Variants in AK7 observed in about 807,000 individuals in gnomAD.
The protein encoded by AK7 is adenylate kinase 7.
AK7 carries 78 observed loss-of-function variants against 96.6 expected under a neutral mutation model. That is an observed-to-expected ratio of 0.81 (90% CI 0.67 to 0.97). AK7 has a LOEUF of 0.97. Ranked by LOEUF, AK7 falls within the 50% of genes least tolerant of loss-of-function variation. The pLI is 0.00. For missense variants in AK7, 855 were observed against 887.9 expected (o/e 0.96, Z 0.47); for synonymous variants, 302 against 317.2 (o/e 0.95, Z 0.51).
rs1890288296 is a variant in AK7, at chr14:96,399,619, G to T, written c.294+1356G>T. On this transcript the variant is annotated intron_variant, in intron 2 of 17. Transcript: ENST00000267584. This position sits in a 1 kb window ranked among gnomAD's most constrained non-coding sequence, Gnocchi z 4.1. The stretch of plus-strand genomic sequence containing the variant: ...CCCTGCCCACAACACTTCACAGGAG[G>T]TGCCCTGGCCGATGTCACCAGCAGT... Among the ~76,000 whole-genome samples, 1 of 152,116 alleles carries T rather than the reference G, an allele frequency of 6.6e-6. No individual in the cohort carries two copies. Among genetic ancestry groups the T allele is most frequent in the South Asian group, 2.1e-4 (1 of 4,826 alleles).
intron 10 of AK7, among the ~76,000 whole-genome samples, chr14:96,454,002 CG>C (rs1441531785): frequency 1.3e-5 from 2 of 152,102 alleles, no homozygotes; most frequent in Non-Finnish European, 2.9e-5. Context: ...CCCTATCTGA[CG>C]GGGCCGCACT....
intron 5 of AK7, among the ~76,000 whole-genome samples, chr14:96,435,837 A>G (rs1892608505): frequency 6.6e-6 from 1 of 152,054 alleles, no homozygotes; most frequent in Non-Finnish European, 1.5e-5. Context: ...TGCTGAGTTC[A>G]ATGCCTCTCA....
chr14:96,467,261 A>G (rs1566804469), intron 12 of AK7, among the ~76,000 whole-genome samples: 3 of 152,114 alleles, frequency 2.0e-5, no homozygotes, highest in Admixed American at 2.0e-4. Context: ...TTGCAATATT[A>G]ATGTGTCCAT....
chr14:96,395,677 C>T (rs901476467), intron 1 of AK7, among the ~76,000 whole-genome samples: 6 of 138,602 alleles, frequency 4.3e-5, no homozygotes, highest in Non-Finnish European at 7.5e-5. Context: ...TGCATTCCAG[C>T]CTGGGAGGTA....
intron 4 of AK7, among the ~76,000 whole-genome samples, chr14:96,409,973 G>A (rs996065840): frequency 2.6e-5 from 4 of 152,184 alleles, no homozygotes; most frequent in Non-Finnish European, 1.5e-5. Context: ...CATTGCCAGC[G>A]ATTCCTGGCT....
At chr14:96,393,718 G>T (rs899252208) in intron 1 of AK7, among the ~76,000 whole-genome samples, 3 of 152,122 alleles carry the variant, frequency 2.0e-5, no homozygotes, top group Non-Finnish European at 2.9e-5. Context: ...CATCTGCAAA[G>T]ACCCTATTTC....
Position 96,487,061 on chromosome 14 carries a change from CAT to C in AK7, c.2133+8_2133+9del, listed in dbSNP as rs1286265349. 3.7e-6 allele frequency: 6 copies of C among 1,613,504 alleles called. No homozygotes were observed. The highest frequency in any genetic ancestry group is 5.1e-6 in the Non-Finnish European group (6 of 1,179,882). On this transcript the variant is annotated splice_donor_region_variant and intron_variant, in intron 17 of 17. Coordinates refer to ENST00000267584, the MANE Select transcript of AK7 (RefSeq NM_152327.5). ...GAAGACCCTGTTGATTTTCTGGTAA[CAT>C]ATTTAATTTTTAAAAAAAGATCAAT...
At chr14:96,445,935 G>T (rs1893207408) in intron 7 of AK7, among the ~76,000 whole-genome samples, 1 of 152,162 alleles carries the variant, frequency 6.6e-6, no homozygotes, top group Non-Finnish European at 1.5e-5. Flanking sequence ...GCACCTACAT[G>T]CTAGGGCTGT....
chr14:96,437,801 A>G, intron 5 of AK7, 34 bp from the exon 6 acceptor site: 1 of 1,532,804 alleles, frequency 6.5e-7, no homozygotes. Flanking sequence ...ATAATATTAC[A>G]TCCAGCTTTT....
rs150612643 is a variant in AK7, at chr14:96,416,275, T to C, written c.499-4547T>C. On this transcript the variant is annotated intron_variant, in intron 4 of 17. Transcript: ENST00000267584. ...GGTGGTGTATGCCTTTAATCCCAGATACTCAGGAGGCCGAGGCAGGAGAAT... is the reference window on the plus strand; with the variant it reads ...GGTGGTGTATGCCTTTAATCCCAGACACTCAGGAGGCCGAGGCAGGAGAAT... 2.8e-3 allele frequency among the ~76,000 whole-genome samples: 422 copies of C among 151,904 alleles called. 6 individuals are homozygous for C. In the East Asian group the frequency reaches 0.058, roughly 21 times the overall value.
At chr14:96,464,329 C>G (rs1320095440) in intron 12 of AK7, among the ~76,000 whole-genome samples, 8 of 151,874 alleles carry the variant, frequency 5.3e-5, no homozygotes, top group Non-Finnish European at 8.8e-5. Context: ...GGGAGGATCT[C>G]TTGAGGCAAG....
At chr14:96,457,410 C>CT (rs1893992924) in intron 11 of AK7, among the ~76,000 whole-genome samples, 1 of 152,002 alleles carries the variant, frequency 6.6e-6, no homozygotes, top group South Asian at 2.1e-4. Flanking sequence ...TTTAGAAATG[C>CT]TTTTTTTAGT....
At chr14:96,462,296 T>C (rs1894297007) in intron 12 of AK7, among the ~76,000 whole-genome samples, 1 of 152,210 alleles carries the variant, frequency 6.6e-6, no homozygotes, top group Admixed American at 6.5e-5. Context: ...ATTCGGTTCC[T>C]TTTAACTTTC....
chr14:96,460,285 T>C (rs996312989), intron 12 of AK7, among the ~76,000 whole-genome samples: 1 of 152,238 alleles, frequency 6.6e-6, no homozygotes, highest in African/African-American at 2.4e-5. Flanking sequence ...CTCCATCATC[T>C]GGTTATTGTA....
At chr14:96,487,199 C>T (rs1400485214) in intron 17 of AK7, 143 bp downstream of exon 17, 4 of 787,608 alleles carry the variant, frequency 5.1e-6, no homozygotes, top group Non-Finnish European at 7.9e-6. Flanking sequence ...CATAGTGAAA[C>T]CCCGTCTCTA....
rs183705556 is a variant in AK7 at position 96,469,823 on chromosome 14, T to C, written c.1358-1655T>C. ...GAGGTGTTTTGTGTTTTGTTTTTTG[T>C]TTTTTGTTTTTGAGATGGAGTTTCA... On this transcript the variant is annotated intron_variant, in intron 12 of 17. Coordinates refer to ENST00000267584, the MANE Select transcript of AK7 (RefSeq NM_152327.5). Among the ~76,000 whole-genome samples the C allele has an allele frequency of 9.9e-5, 15 of 152,228 alleles. No homozygotes were observed. In the East Asian group the frequency reaches 2.9e-3, roughly 29 times the overall value.
chr14:96,423,991 C>T, intron 5 of AK7: 1 of 855,982 alleles, frequency 1.2e-6, no homozygotes. Context: ...GGGATCCTTC[C>T]TGCTTGGAGC....
rs1312635868 is a variant in AK7 at position 96,483,206 on chromosome 14, G to A, written c.1961G>A (p.Arg654His). ...EAVEMAEKIARWEEWNKRLEE... is the reference protein window; with the variant it reads ...EAVEMAEKIAHWEEWNKRLEE... ...GTGGAGATGGCAGAGAAGATAGCTCGCTGGGAGGAGTGGGTGAGTGGTGAG... is the reference window on the plus strand; with the variant it reads ...GTGGAGATGGCAGAGAAGATAGCTCACTGGGAGGAGTGGGTGAGTGGTGAG... The change falls in exon 16 of 18, where the codon CGC (arginine) becomes CAC (histidine). Residue 654 changes from arginine (R) to histidine (H), a missense_variant. Coordinates refer to ENST00000267584, the MANE Select transcript of AK7 (RefSeq NM_152327.5). 7 of 1,602,500 alleles carry A rather than the reference G, an allele frequency of 4.4e-6. No individual in the cohort carries two copies. The highest frequency in any genetic ancestry group is 1.7e-4 in the Middle Eastern group (1 of 5,874).
At chr14:96,423,138 T>C (rs1891809084) in intron 5 of AK7, among the ~76,000 whole-genome samples, 1 of 152,124 alleles carries the variant, frequency 6.6e-6, no homozygotes, top group Admixed American at 6.5e-5. Context: ...TCCCTACTCC[T>C]TTTTCCAGGA....
Sources: allele counts gnomAD v4.1 joint callset (sites outside exome capture counted in the v4.1 genomes callset), GRCh38; gene constraint gnomAD v4.1.1; non-coding constraint Gnocchi (gnomAD v3.1); transcripts MANE v1.5; gene names NCBI Gene and HGNC (gene_info 2026-07-23, HGNC 2026-07-21).